Variants in ALDH1A2 observed in about 807,000 individuals in gnomAD.
ALDH1A2 encodes retinal dehydrogenase 2.
ALDH1A2 carries 27 observed loss-of-function variants against 60.3 expected under a neutral mutation model. That is an observed-to-expected ratio of 0.45 (90% confidence interval 0.33 to 0.62). The LOEUF (loss-of-function observed/expected upper bound fraction) is 0.62. ALDH1A2 is among the 20% of genes least tolerant of loss of function. The pLI is 0.02. For missense variants in ALDH1A2, 581 were observed against 643.8 expected (o/e 0.90, Z 1.06); for synonymous variants, 289 against 232.4 (o/e 1.24, Z -2.21).
chr15:57,957,917 G>A (rs1893584805), intron 12 of ALDH1A2, among the ~76,000 whole-genome samples: 1 of 151,934 alleles, frequency 6.6e-6, no homozygotes. Flanking sequence ...GACTGAGAGG[G>A]TGGGTGGGAG....
At chr15:57,987,646 C>T (rs536676242) in intron 7 of ALDH1A2, among the ~76,000 whole-genome samples, 45 of 152,034 alleles carry the variant, frequency 3.0e-4, no homozygotes, top group African/African-American at 4.3e-4. Context: ...TTTGGGAGGC[C>T]GAGGCGGGCG....
chr15:57,984,594 A>T (rs1595639022), intron 7 of ALDH1A2, among the ~76,000 whole-genome samples: 1 of 152,158 alleles, frequency 6.6e-6, no homozygotes, highest in Non-Finnish European at 1.5e-5. Context: ...TATTCTGGAT[A>T]TTTCATACAG....
At chr15:58,007,499 T>G (rs560067705) in intron 4 of ALDH1A2, among the ~76,000 whole-genome samples, 1 of 152,142 alleles carries the variant, frequency 6.6e-6, no homozygotes, top group African/African-American at 2.4e-5. Flanking sequence ...GTCTCCCACT[T>G]ACTAGCCATG....
chr15:58,060,669 T>C (rs749959161), intron 1 of ALDH1A2, among the ~76,000 whole-genome samples: 3 of 152,182 alleles, frequency 2.0e-5, no homozygotes, highest in Non-Finnish European at 4.4e-5. Context: ...ATGTGGGCTA[T>C]ATGGTTTCTG....
At position 57,960,811 on chromosome 15, in the gene ALDH1A2, G is replaced by A. The variant is rs1040181939; in HGVS notation, c.1443C>T (p.Ser481=). The change falls in exon 12 of 13, where the codon AGC becomes AGT. Residue 481 remains serine (S), a synonymous_variant. Coordinates refer to ENST00000249750, the MANE Select transcript of ALDH1A2 (RefSeq NM_003888.4). ...INCYNALNAQ[S]PFGGFKMSGN... ...CAGACATCTTGAATCCCCCAAAGGGGCTCTGGGCATTTAAGGCATTGTAAC... is the reference window on the plus strand; with the variant it reads ...CAGACATCTTGAATCCCCCAAAGGGACTCTGGGCATTTAAGGCATTGTAAC... 6.2e-7 allele frequency: 1 copy of A among 1,613,972 alleles called. No homozygotes were observed. Among genetic ancestry groups the A allele is most frequent in the Non-Finnish European group, 8.5e-7 (1 of 1,179,902 alleles).
intron 1 of ALDH1A2, among the ~76,000 whole-genome samples, chr15:58,038,970 C>A (rs1896445889): frequency 6.6e-6 from 1 of 151,780 alleles, no homozygotes; most frequent in South Asian, 2.1e-4. Context: ...AAACCTTACA[C>A]TTAAATCATT....
chr15:58,051,429 A>G (rs1896777609), intron 1 of ALDH1A2, among the ~76,000 whole-genome samples: 1 of 152,144 alleles, frequency 6.6e-6, no homozygotes, highest in South Asian at 2.1e-4. Flanking sequence ...GACAAATGAA[A>G]AGCTCAAATT....
At chr15:58,022,846 C>A (rs1311329690) in intron 1 of ALDH1A2, among the ~76,000 whole-genome samples, 1 of 152,080 alleles carries the variant, frequency 6.6e-6, no homozygotes, top group African/African-American at 2.4e-5. Flanking sequence ...CATATATACA[C>A]CTTCAGGAAA....
rs1595651001 is a variant in ALDH1A2, at chr15:57,994,997, C to A, written c.555+81G>T. 3 of 1,330,888 alleles carry A rather than the reference C, an allele frequency of 2.3e-6. No individual in the cohort carries two copies. In the East Asian group the frequency reaches 6.9e-5, roughly 31 times the overall value. 82.4% of individuals were successfully genotyped at this position (1,330,888 alleles called of 1,614,324 possible). A position where few individuals can be genotyped will look rare whatever the true frequency, so the allele number is the denominator to read the frequency against. ...TCCTCCAGTAATGGAAAACACACAT[C>A]GCTGAGGACCATGTTTTATGTGTCT... On this transcript the variant is annotated intron_variant, in intron 5 of 12. Coordinates refer to ENST00000249750, the MANE Select transcript of ALDH1A2 (RefSeq NM_003888.4).
At chr15:58,037,425 A>G (rs1896404240) in intron 1 of ALDH1A2, among the ~76,000 whole-genome samples, 1 of 151,682 alleles carries the variant, frequency 6.6e-6, no homozygotes, top group Non-Finnish European at 1.5e-5. Context: ...GGCTAAGAGA[A>G]AGAAGTGGAA....
intron 9 of ALDH1A2, among the ~76,000 whole-genome samples, chr15:57,963,497 G>T (rs545450952): frequency 1.3e-5 from 2 of 151,688 alleles, no homozygotes; most frequent in East Asian, 3.9e-4. Context: ...CCGCCACCTC[G>T]CCCGGCTAAT....
At chr15:58,053,748 T>C (rs547595331) in intron 1 of ALDH1A2, among the ~76,000 whole-genome samples, 1 of 152,256 alleles carries the variant, frequency 6.6e-6, no homozygotes, top group African/African-American at 2.4e-5. Flanking sequence ...CAAGACAGGA[T>C]TTATGCTCAA....
chr15:58,045,491 A>G (rs1313064724), intron 1 of ALDH1A2, among the ~76,000 whole-genome samples: 4 of 152,242 alleles, frequency 2.6e-5, no homozygotes, highest in South Asian at 2.1e-4. Context: ...CTTGGAACCA[A>G]CCCAAATGTC....
At chr15:57,992,590 T>G in intron 7 of ALDH1A2, 115 bp downstream of exon 7, 1 of 926,494 alleles carries the variant, frequency 1.1e-6, no homozygotes, top group Non-Finnish European at 1.7e-6. Context: ...TTTGTGGGCT[T>G]GGGTACTCAC....
chr15:57,994,565 C>T (rs1430943127), intron 5 of ALDH1A2, among the ~76,000 whole-genome samples: 1 of 152,148 alleles, frequency 6.6e-6, no homozygotes, highest in African/African-American at 2.4e-5. Flanking sequence ...ACATCTATTT[C>T]TCTTTACAAG....
chr15:58,065,421 G>A, intron 1 of ALDH1A2, 113 bp downstream of exon 1: 1 of 930,666 alleles, frequency 1.1e-6, no homozygotes, highest in Non-Finnish European at 1.8e-6. Flanking sequence ...ATGACAGGCT[G>A]GCCCCGACGA....
Position 58,052,840 on chromosome 15 carries a change from G to A in ALDH1A2, c.117+12694C>T, listed in dbSNP as rs1013864933. ...CTATTTCAGAGGAAGGGGTAAATGC[G>A]TGGCAATGAAGCAGAAGAGTTTTCC... On this transcript the variant is annotated intron_variant, in intron 1 of 12. Coordinates refer to ENST00000249750, the MANE Select transcript of ALDH1A2 (RefSeq NM_003888.4). Among the ~76,000 whole-genome samples, 4 of 152,272 alleles carry A rather than the reference G, an allele frequency of 2.6e-5. No individual in the cohort carries two copies. In the South Asian group the frequency reaches 6.2e-4, roughly 24 times the overall value.
intron 1 of ALDH1A2, among the ~76,000 whole-genome samples, chr15:58,061,616 A>AAAAAAAAAAAAAAAAAAAAAAG (rs1897040294): frequency 6.7e-6 from 1 of 148,672 alleles, no homozygotes; most frequent in Non-Finnish European, 1.5e-5. Context: ...AAAACAAAAA[A>AAAAAAAAAAAAAAAAAAAAAAG]AAAAAAAAAA....
intron 1 of ALDH1A2, among the ~76,000 whole-genome samples, chr15:58,039,592 A>G (rs34967382): frequency 3.3e-5 from 5 of 152,000 alleles, no homozygotes; most frequent in Non-Finnish European, 7.4e-5. Flanking sequence ...TATTTAAATA[A>G]AAAGTAACTG....
Sources: allele counts gnomAD v4.1 joint callset (sites outside exome capture counted in the v4.1 genomes callset), GRCh38; gene constraint gnomAD v4.1.1; transcripts MANE v1.5; gene names NCBI Gene and HGNC (gene_info 2026-07-23, HGNC 2026-07-21).